Variants in FAM227B observed in about 807,000 individuals in gnomAD.
FAM227B encodes the protein family with sequence similarity 227 member B.
FAM227B carries 88 observed loss-of-function variants against 73.8 expected under a neutral mutation model. The ratio of observed to expected loss-of-function variants is 1.19; its 90% CI spans 1.00 to 1.42. The LOEUF is 1.42. Ranked by LOEUF, FAM227B falls within the 40% of genes most tolerant of loss-of-function variation. The pLI, the probability that FAM227B is intolerant of heterozygous loss-of-function variation, is 0.00. For synonymous variants in FAM227B, 210 were observed against 190.5 expected, an observed-to-expected ratio of 1.10 and a Z score of -0.84; for missense variants, 632 against 590.9, an observed-to-expected ratio of 1.07 and a Z score of -0.72.
At chr15:49,447,578 G>A (rs2052341550) in intron 11 of FAM227B, among the ~76,000 whole-genome samples, 1 of 151,818 alleles carries the variant, frequency 6.6e-6, no homozygotes, top group Admixed American at 6.6e-5. Context: ...TAAAATACAT[G>A]TTCACCATCA....
At chr15:49,407,277 T>A (rs569956150) in intron 11 of FAM227B, among the ~76,000 whole-genome samples, 1 of 152,188 alleles carries the variant, frequency 6.6e-6, no homozygotes, top group African/African-American at 2.4e-5. Context: ...AGGCCCATGG[T>A]GAGAGCCGGT....
At chr15:49,589,186 G>A (rs1195691626) in intron 4 of FAM227B, among the ~76,000 whole-genome samples, 5 of 152,058 alleles carry the variant, frequency 3.3e-5, no homozygotes, top group Non-Finnish European at 5.9e-5. Context: ...GTGAATACCA[G>A]CTACCCCTAG....
At chr15:49,598,733 A>C (rs2077023336) in intron 3 of FAM227B, among the ~76,000 whole-genome samples, 2 of 151,972 alleles carry the variant, frequency 1.3e-5, no homozygotes, top group Non-Finnish European at 2.9e-5. Flanking sequence ...TTATTCTGCT[A>C]ATGTGGTTTA....
intron 11 of FAM227B, among the ~76,000 whole-genome samples, chr15:49,489,879 T>G (rs1276864192): frequency 0.079 from 1,464 of 18,462 alleles, 244 homozygotes; most frequent in East Asian, 0.24. Context: ...TATATATATA[T>G]ATATAGAGAG....
chr15:49,406,487 G>A (rs534740835), intron 11 of FAM227B, among the ~76,000 whole-genome samples: 3 of 151,764 alleles, frequency 2.0e-5, no homozygotes, highest in East Asian at 2.0e-4. Context: ...GCAGGCAGGC[G>A]TGATCACTCA....
intron 11 of FAM227B, among the ~76,000 whole-genome samples, chr15:49,436,129 TA>T (rs958228606): frequency 6.6e-6 from 1 of 151,618 alleles, no homozygotes; most frequent in African/African-American, 2.4e-5. Context: ...CTAACTGTTT[TA>T]AAATTATACA....
intron 11 of FAM227B, chr15:49,395,991 G>A (rs367969648): frequency 2.0e-5 from 9 of 455,856 alleles, no homozygotes; most frequent in South Asian, 1.2e-4. Context: ...TGGGGGCGAG[G>A]AGCCAAGATG....
chr15:49,516,721 A>G (rs1213921860), intron 10 of FAM227B, among the ~76,000 whole-genome samples: 1 of 152,094 alleles, frequency 6.6e-6, no homozygotes, highest in Non-Finnish European at 1.5e-5. Context: ...AGTCTTCAAA[A>G]TCACCCATGT....
intron 11 of FAM227B, among the ~76,000 whole-genome samples, chr15:49,456,174 T>C (rs576664978): frequency 6.6e-6 from 1 of 152,242 alleles, no homozygotes; most frequent in Non-Finnish European, 1.5e-5. Context: ...TTTCCAGATA[T>C]GCTATATTTC....
intron 10 of FAM227B, among the ~76,000 whole-genome samples, chr15:49,535,651 G>A (rs1026299217): frequency 4.6e-5 from 7 of 151,774 alleles, no homozygotes; most frequent in African/African-American, 1.7e-4. Context: ...GAACAATGAT[G>A]TAAAAATCCT....
At chr15:49,611,941 C>T (rs1362593479) in intron 2 of FAM227B, among the ~76,000 whole-genome samples, 1 of 151,918 alleles carries the variant, frequency 6.6e-6, no homozygotes, top group African/African-American at 2.4e-5. Flanking sequence ...GTCCATCAAG[C>T]CTTTCTTATC....
intron 13 of FAM227B, among the ~76,000 whole-genome samples, chr15:49,351,690 AAAGT>A: frequency 6.6e-6 from 1 of 152,320 alleles, no homozygotes; most frequent in Middle Eastern, 3.4e-3. Context: ...TCAAGGGAAT[AAAGT>A]AACATTGGAC....
chr15:49,560,747 T>C (rs2074186463), intron 9 of FAM227B, among the ~76,000 whole-genome samples: 1 of 152,084 alleles, frequency 6.6e-6, no homozygotes, highest in Admixed American at 6.6e-5. Context: ...GAAAATAAAT[T>C]CCCACAAAGA....
intron 11 of FAM227B, among the ~76,000 whole-genome samples, chr15:49,439,932 G>T (rs1372827657): frequency 1.3e-5 from 2 of 151,702 alleles, no homozygotes; most frequent in Non-Finnish European, 3.0e-5. Flanking sequence ...ATAGCCCTCA[G>T]GGAAACTGGA....
At chr15:49,355,962 A>G (rs928114994) in intron 13 of FAM227B, among the ~76,000 whole-genome samples, 10 of 151,674 alleles carry the variant, frequency 6.6e-5, no homozygotes, top group African/African-American at 2.4e-4. Flanking sequence ...AAGAATTTTC[A>G]ACCCAGAATT....
At chr15:49,390,133 A>T (rs1445873868) in intron 11 of FAM227B, among the ~76,000 whole-genome samples, 1 of 152,036 alleles carries the variant, frequency 6.6e-6, no homozygotes, top group Non-Finnish European at 1.5e-5. Flanking sequence ...AAGAAATTTG[A>T]GCTCAAATGA....
intron 11 of FAM227B, among the ~76,000 whole-genome samples, chr15:49,403,059 C>G (rs560522345): frequency 6.6e-6 from 1 of 152,234 alleles, no homozygotes; most frequent in African/African-American, 2.4e-5. Flanking sequence ...GTCTTTAGTT[C>G]TGTTTATGTG....
At chr15:49,618,606 T>C (rs1224537097) in intron 1 of FAM227B, among the ~76,000 whole-genome samples, 1 of 152,200 alleles carries the variant, frequency 6.6e-6, no homozygotes, top group African/African-American at 2.4e-5. Flanking sequence ...ATGATATCAC[T>C]ATTGACAGGT....
rs533497524 is a variant in FAM227B at position 49,552,651 on chromosome 15, C to T, written c.748-10845G>A. Among the ~76,000 whole-genome samples the T allele has an allele frequency of 5.3e-5, 8 of 152,172 alleles. No homozygotes were observed. The East Asian group carries it at 1.4e-3, about 26-fold the overall frequency. ...GAGGCTATTTTCTAGATCCTGTAGG[C>T]ATGTTTCATTGTTTTTTGTTTTTTT... On this transcript the variant is annotated intron_variant, in intron 9 of 15. Coordinates refer to ENST00000299338, the MANE Select transcript of FAM227B (RefSeq NM_152647.3).
Sources: gnomAD v4.1 joint callset for allele counts (sites outside exome capture counted in the v4.1 genomes callset) on GRCh38, gnomAD v4.1.1 for gene constraint, MANE v1.5 for transcripts, NCBI Gene and HGNC (gene_info 2026-07-23, HGNC 2026-07-21) for gene names.